Variants in TMEM232 observed in about 807,000 individuals in gnomAD.
TMEM232 encodes transmembrane protein 232.
Under a neutral mutation model 78.8 loss-of-function variants are expected in TMEM232, and 80 were observed. The ratio of observed to expected loss-of-function variants is 1.01; its 90% CI spans 0.85 to 1.22. The LOEUF (loss-of-function observed/expected upper bound fraction) is 1.22, where lower values mean the gene tolerates loss of function less well. TMEM232 is among the 50% of genes most tolerant of loss of function. The pLI is 0.00. For synonymous variants in TMEM232, 297 were observed against 254.3 expected, an observed-to-expected ratio of 1.17 and a Z score of -1.60; for missense variants, 881 against 742.2, an observed-to-expected ratio of 1.19 and a Z score of -2.17.
chr5:110,457,950 A>C (rs1472861030), intron 12 of TMEM232, among the ~76,000 whole-genome samples: 1 of 152,074 alleles, frequency 6.6e-6, no homozygotes. Context: ...AAGGATAGAA[A>C]TTGTGTTTTT....
At position 110,401,271 on chromosome 5, in the gene TMEM232, A is replaced by C. The variant is rs76562545; in HGVS notation, n.309-3417T>G. 8.6e-3 allele frequency among the ~76,000 whole-genome samples: 1,261 copies of C among 146,832 alleles called. 20 individuals are homozygous for C. The highest frequency in any genetic ancestry group is 0.033 in the African/African-American group (1,194 of 36,468). On this transcript the variant is annotated intron_variant and non_coding_transcript_variant, in intron 2 of 8. Transcript: ENST00000507188. The stretch of plus-strand genomic sequence containing the variant: ...CAATAGCATAAAGGCAACTTGACAC[A>C]GACACAACATTCTTTTTTTTTTTGG...
At chr5:110,602,532 A>G (rs1781050121) in intron 10 of TMEM232, among the ~76,000 whole-genome samples, 2 of 152,220 alleles carry the variant, frequency 1.3e-5, no homozygotes, top group Admixed American at 1.3e-4. Context: ...CAAAACAAGC[A>G]TATGAAAAAA....
chr5:110,502,098 G>A (rs1410819019), intron 12 of TMEM232, among the ~76,000 whole-genome samples: 2 of 152,260 alleles, frequency 1.3e-5, no homozygotes, highest in South Asian at 2.1e-4. Context: ...CCTCCATAGA[G>A]TATGTGTGTG....
At chr5:110,510,179 C>T (rs1257490250) in intron 12 of TMEM232, among the ~76,000 whole-genome samples, 3 of 152,174 alleles carry the variant, frequency 2.0e-5, no homozygotes, top group Non-Finnish European at 2.9e-5. Flanking sequence ...GCCCAGGCTT[C>T]TTTCCTGAAC....
intron 12 of TMEM232, among the ~76,000 whole-genome samples, chr5:110,451,983 G>T (rs1176523675): frequency 1.3e-5 from 2 of 151,988 alleles, no homozygotes; most frequent in East Asian, 3.8e-4. Context: ...TACTATTTTT[G>T]TTGACTAGCT....
chr5:110,726,028 C>A (rs1176109855), intron 1 of TMEM232, among the ~76,000 whole-genome samples: 2 of 151,658 alleles, frequency 1.3e-5, no homozygotes, highest in African/African-American at 2.4e-5. Flanking sequence ...TTCTAATAGA[C>A]AACTTGGATA....
chr5:110,600,128 C>A (rs1255210823), intron 10 of TMEM232, among the ~76,000 whole-genome samples: 1 of 152,112 alleles, frequency 6.6e-6, no homozygotes, highest in Non-Finnish European at 1.5e-5. Context: ...AACAAAGGAA[C>A]AATGTACCAG....
intron 1 of TMEM232, among the ~76,000 whole-genome samples, chr5:110,718,200 A>C (rs1797216228): frequency 6.6e-6 from 1 of 152,144 alleles, no homozygotes; most frequent in Non-Finnish European, 1.5e-5. Flanking sequence ...CGTGCTAGAT[A>C]GACTTCATTG....
chr5:110,481,894 T>C (rs1377397729), intron 12 of TMEM232, among the ~76,000 whole-genome samples: 1 of 152,142 alleles, frequency 6.6e-6, no homozygotes, highest in Non-Finnish European at 1.5e-5. Flanking sequence ...CTAATAAGAA[T>C]AGGCTCTCAA....
intron 2 of TMEM232, among the ~76,000 whole-genome samples, chr5:110,403,962 C>T (rs1755697184): frequency 6.6e-6 from 1 of 151,882 alleles, no homozygotes; most frequent in South Asian, 2.1e-4. Context: ...GTTATAAGAT[C>T]AAAATGGTGA....
At chr5:110,650,132 A>G (rs1788092367) in intron 2 of TMEM232, among the ~76,000 whole-genome samples, 1 of 152,052 alleles carries the variant, frequency 6.6e-6, no homozygotes, top group South Asian at 2.1e-4. Flanking sequence ...CTATCTCAGT[A>G]TAATATTTAT....
intron 12 of TMEM232, among the ~76,000 whole-genome samples, chr5:110,475,804 T>C (rs1213569997): frequency 1.3e-5 from 2 of 151,842 alleles, no homozygotes; most frequent in East Asian, 1.9e-4. Context: ...ACTACCAGGG[T>C]CTGGGGAAAG....
At chr5:110,652,718 T>C (rs1302827061) in intron 2 of TMEM232, among the ~76,000 whole-genome samples, 1 of 152,182 alleles carries the variant, frequency 6.6e-6, no homozygotes, top group African/African-American at 2.4e-5. Context: ...TTAAAACTTA[T>C]TTAGTGACAT....
chr5:110,403,748 A>G (rs1301513627), intron 2 of TMEM232, among the ~76,000 whole-genome samples: 1 of 151,964 alleles, frequency 6.6e-6, no homozygotes, highest in Admixed American at 6.6e-5. Context: ...GAAAATCAGT[A>G]AGCCAGAAAT....
At chr5:110,459,861 A>C (rs897080616) in intron 12 of TMEM232, among the ~76,000 whole-genome samples, 5 of 152,200 alleles carry the variant, frequency 3.3e-5, no homozygotes, top group Non-Finnish European at 7.4e-5. Context: ...TTTCTGTGCT[A>C]TTCTTGCTGA....
chr5:110,670,876 CAAT>C (rs1791264330), intron 1 of TMEM232, among the ~76,000 whole-genome samples: 3 of 151,816 alleles, frequency 2.0e-5, no homozygotes, highest in African/African-American at 7.3e-5. Flanking sequence ...GAACAATACT[CAAT>C]AAGTAGGAAT....
intron 12 of TMEM232, among the ~76,000 whole-genome samples, chr5:110,430,638 C>T (rs921668575): frequency 1.3e-5 from 2 of 151,518 alleles, no homozygotes; most frequent in Admixed American, 1.3e-4. Context: ...GTTTTTTTCC[C>T]ATGGTCACTA....
chr5:110,559,983 C>A (rs146382570), intron 11 of TMEM232, among the ~76,000 whole-genome samples: 2,041 of 152,218 alleles, frequency 0.013, 31 homozygotes, highest in Non-Finnish European at 0.019. Flanking sequence ...CTTATAAAGA[C>A]ACCAATCTTA....
chr5:110,596,684 T>A (rs1447268224), intron 10 of TMEM232, among the ~76,000 whole-genome samples: 1 of 152,124 alleles, frequency 6.6e-6, no homozygotes, highest in Non-Finnish European at 1.5e-5. Flanking sequence ...GTGGGCTTCA[T>A]CCCTGGGATG....
Sources: gnomAD v4.1 joint callset for allele counts (sites outside exome capture counted in the v4.1 genomes callset) on GRCh38, gnomAD v4.1.1 for gene constraint, MANE v1.5 for transcripts, NCBI Gene and HGNC (gene_info 2026-07-23, HGNC 2026-07-21) for gene names.